LSAMP: variants seen among roughly 807,000 people sequenced by gnomAD.
LSAMP encodes the protein limbic system-associated membrane protein.
A neutral mutation model predicts 38.6 loss-of-function variants in LSAMP; 7 were observed. That is an observed-to-expected ratio of 0.18 (90% CI 0.10 to 0.34). The LOEUF is 0.34. Among genes scored for constraint, LSAMP ranks in the 10% least tolerant of loss-of-function variants. LSAMP has a pLI of 1.00. For synonymous variants in LSAMP, 154 were observed against 166.8 expected (o/e 0.92, Z 0.59); for missense variants, 313 against 420.0 (o/e 0.75, Z 2.23).
intron 3 of LSAMP, among the ~76,000 whole-genome samples, chr3:115,879,548 C>T (rs2107425134): frequency 6.6e-6 from 1 of 152,278 alleles, no homozygotes; most frequent in South Asian, 2.1e-4. Flanking sequence ...TAGTCATTCA[C>T]TCATCCATCA....
At chr3:116,082,152 A>AAAG (rs1707885682) in intron 2 of LSAMP, among the ~76,000 whole-genome samples, 1 of 152,284 alleles carries the variant, frequency 6.6e-6, no homozygotes, top group Admixed American at 6.5e-5. Flanking sequence ...CAAATACCCT[A>AAAG]GTTTTTGGAG....
intron 6 of LSAMP, among the ~76,000 whole-genome samples, chr3:115,829,591 C>T (rs1220946042): frequency 6.6e-6 from 1 of 152,166 alleles, no homozygotes; most frequent in Non-Finnish European, 1.5e-5. Flanking sequence ...GCAAAAAGGG[C>T]AGGTCCTTTA....
intron 3 of LSAMP, among the ~76,000 whole-genome samples, chr3:115,876,385 G>C (rs1490839011): frequency 6.7e-6 from 1 of 149,008 alleles, no homozygotes; most frequent in Non-Finnish European, 1.5e-5. Context: ...TACACACTCT[G>C]ACCAGTAATG....
At chr3:115,840,218 A>G (rs957460007) in intron 6 of LSAMP, among the ~76,000 whole-genome samples, 2 of 152,278 alleles carry the variant, frequency 1.3e-5, no homozygotes, top group African/African-American at 4.8e-5. Flanking sequence ...AACTCATCCA[A>G]TTGTTCTATC....
intron 1 of LSAMP, among the ~76,000 whole-genome samples, chr3:116,405,135 A>G (rs897885950): frequency 2.6e-5 from 4 of 152,114 alleles, no homozygotes; most frequent in Non-Finnish European, 5.9e-5. Context: ...GAAAAGATTC[A>G]AAAGAACAGG....
rs555147786 is a variant in LSAMP, at chr3:116,228,465, T to A, written c.156-141909A>T. Among the ~76,000 whole-genome samples the A allele has an allele frequency of 3.3e-5, 5 of 152,184 alleles. No homozygotes were observed. In the East Asian group the frequency reaches 9.7e-4, roughly 29 times the overall value. ...AGACAAAATCACTAAATTCTCTGGA[T>A]ATCAATTTCCTCATATGTAAAATGA... On this transcript the variant is annotated intron_variant, in intron 1 of 6. Coordinates refer to ENST00000490035, the MANE Select transcript of LSAMP (RefSeq NM_002338.5).
intron 1 of LSAMP, among the ~76,000 whole-genome samples, chr3:116,174,621 A>G (rs1321946352): frequency 6.6e-6 from 1 of 151,912 alleles, no homozygotes; most frequent in Non-Finnish European, 1.5e-5. Flanking sequence ...CTTCTCCTTC[A>G]CTTCAACCAG....
intron 1 of LSAMP, among the ~76,000 whole-genome samples, chr3:116,165,189 C>A (rs1195356017): frequency 6.6e-6 from 1 of 152,200 alleles, no homozygotes; most frequent in Non-Finnish European, 1.5e-5. Flanking sequence ...TGCCTGTGGG[C>A]AGGAGTTGAT....
intron 3 of LSAMP, among the ~76,000 whole-genome samples, chr3:115,873,552 G>A (rs556011593): frequency 1.7e-4 from 26 of 151,886 alleles, no homozygotes; most frequent in African/African-American, 4.6e-4. Flanking sequence ...TAATTTTTCC[G>A]GTCATTCTAT....
chr3:115,846,122 T>C (rs933019773), intron 4 of LSAMP, among the ~76,000 whole-genome samples: 13 of 152,238 alleles, frequency 8.5e-5, no homozygotes, highest in Admixed American at 2.0e-4. Flanking sequence ...CAAATCATAC[T>C]GCAGCATGCT....
Position 116,324,011 on chromosome 3 carries a change from A to T in LSAMP, c.155+120866T>A, listed in dbSNP as rs576845471. On this transcript the variant is annotated intron_variant, in intron 1 of 6. Coordinates refer to ENST00000490035, the MANE Select transcript of LSAMP (RefSeq NM_002338.5). Reference sequence around the variant, plus strand: ...ACATTAACATAGTTCAACCAAAAGAAACTATTTTTATTCATTGAGGTGACT... The same window carrying T: ...ACATTAACATAGTTCAACCAAAAGATACTATTTTTATTCATTGAGGTGACT... 2.0e-5 allele frequency among the ~76,000 whole-genome samples: 3 copies of T among 152,298 alleles called. No individual in the cohort carries two copies. The East Asian group carries it at 5.8e-4, about 29-fold the overall frequency.
At chr3:116,174,698 G>A (rs770057843) in intron 1 of LSAMP, among the ~76,000 whole-genome samples, 5 of 151,698 alleles carry the variant, frequency 3.3e-5, no homozygotes, top group East Asian at 1.9e-4. Flanking sequence ...CTTTCTTATC[G>A]CTGTGCTCTT....
At chr3:116,120,311 C>T (rs934026243) in intron 1 of LSAMP, among the ~76,000 whole-genome samples, 25 of 152,002 alleles carry the variant, frequency 1.6e-4, no homozygotes, top group African/African-American at 6.0e-4. Flanking sequence ...AAAACTGTGG[C>T]TGAACAAATA....
At chr3:116,403,698 A>T (rs1414779493) in intron 1 of LSAMP, among the ~76,000 whole-genome samples, 1 of 152,062 alleles carries the variant, frequency 6.6e-6, no homozygotes, top group Non-Finnish European at 1.5e-5. Flanking sequence ...CTCATACATG[A>T]TTGATTAACC....
intron 1 of LSAMP, among the ~76,000 whole-genome samples, chr3:116,225,819 CTT>C (rs1180601412): frequency 6.6e-6 from 1 of 151,486 alleles, no homozygotes; most frequent in East Asian, 1.9e-4. Flanking sequence ...CCTAAGCACT[CTT>C]ATATTATGAT....
At chr3:116,423,061 G>A (rs1224281260) in intron 1 of LSAMP, among the ~76,000 whole-genome samples, 1 of 152,024 alleles carries the variant, frequency 6.6e-6, no homozygotes, top group African/African-American at 2.4e-5. Context: ...ACAGTGCCTG[G>A]CACAAAGACA....
chr3:115,957,461 C>A (rs915681970), intron 3 of LSAMP, among the ~76,000 whole-genome samples: 1 of 151,856 alleles, frequency 6.6e-6, no homozygotes, highest in Admixed American at 6.6e-5. Context: ...TTTTTTTAAT[C>A]TCTTATTTGA....
chr3:116,195,978 A>T (rs1710873666), intron 1 of LSAMP, among the ~76,000 whole-genome samples: 3 of 152,208 alleles, frequency 2.0e-5, no homozygotes, highest in Admixed American at 2.0e-4. Flanking sequence ...ATAGAATACT[A>T]TTTATTGGTC....
chr3:116,164,068 T>C (rs1303965707), intron 1 of LSAMP, among the ~76,000 whole-genome samples: 1 of 152,210 alleles, frequency 6.6e-6, no homozygotes, highest in Non-Finnish European at 1.5e-5. Flanking sequence ...TTATACCTAC[T>C]AAATTATCAG....
Sources: gnomAD v4.1 joint callset for allele counts (sites outside exome capture counted in the v4.1 genomes callset) on GRCh38, gnomAD v4.1.1 for gene constraint, MANE v1.5 for transcripts, NCBI Gene and HGNC (gene_info 2026-07-23, HGNC 2026-07-21) for gene names.